Variants in PSD2 observed in about 807,000 individuals in gnomAD.
The protein encoded by PSD2 is pleckstrin and Sec7 domain containing 2, also known as PH and SEC7 domain-containing protein 2.
PSD2 carries 38 observed loss-of-function variants against 69.8 expected under a neutral mutation model. The observed-to-expected ratio is 0.54, with a 90% confidence interval of 0.42 to 0.71. The LOEUF (loss-of-function observed/expected upper bound fraction) is 0.71. Ranked by LOEUF, PSD2 falls within the 30% of genes least tolerant of loss-of-function variation. The pLI is 0.00. For synonymous variants in PSD2, 412 were observed against 423.0 expected, an observed-to-expected ratio of 0.97 and a Z score of 0.32; for missense variants, 943 against 1,014.5, an observed-to-expected ratio of 0.93 and a Z score of 0.96.
the PSD2 span, among the ~76,000 whole-genome samples, chr5:139,753,742 G>A: frequency 4.5e-4 from 68 of 152,258 alleles, no homozygotes; most frequent in Middle Eastern, 3.4e-3. Context: ...CTCTCAGGAC[G>A]CCTGCTGCAT....
At chr5:139,829,893 T>A (rs1176495704) in intron 7 of PSD2, among the ~76,000 whole-genome samples, 1 of 152,110 alleles carries the variant, frequency 6.6e-6, no homozygotes, top group African/African-American at 2.4e-5. Context: ...ACATTTAACT[T>A]TTTGAGGAAG....
At chr5:139,773,829 T>G in the PSD2 span, among the ~76,000 whole-genome samples, 1 of 152,200 alleles carries the variant, frequency 6.6e-6, no homozygotes, top group Non-Finnish European at 1.5e-5. Flanking sequence ...TTTGGGAATA[T>G]ATCCAGATGG....
the PSD2 span, among the ~76,000 whole-genome samples, chr5:139,787,161 A>G: frequency 1.3e-5 from 2 of 152,156 alleles, no homozygotes; most frequent in African/African-American, 4.8e-5. Flanking sequence ...AGGTGGCATG[A>G]AAACAGATTG....
chr5:139,746,827 G>C, the PSD2 span, among the ~76,000 whole-genome samples: 2 of 152,148 alleles, frequency 1.3e-5, no homozygotes, highest in Non-Finnish European at 2.9e-5. The surrounding 1 kb of genome is among the most constrained non-coding windows in gnomAD (Gnocchi z 4.5). Flanking sequence ...AGCGATGGAG[G>C]GCGCACCCAG....
At chr5:139,792,859 TTTCCTTCCTTCCTTCCTTCCTTCC>T (rs141834556), upstream of PSD2, among the ~76,000 whole-genome samples, 41 of 107,892 alleles carry the variant, frequency 3.8e-4, no homozygotes, top group African/African-American at 1.1e-3. Flanking sequence ...TCTTTCTGTC[TTTCCTTCCTTCCTTCCTTCCTTCC>T]TTCCTTCCTT....
intron 1 of PSD2, among the ~76,000 whole-genome samples, chr5:139,808,253 C>T (rs1299340929): frequency 6.6e-6 from 1 of 152,144 alleles, no homozygotes; most frequent in Non-Finnish European, 1.5e-5. Flanking sequence ...TTAGCCTAGC[C>T]TAGGTGGGGC....
chr5:139,778,785 T>G, the PSD2 span, among the ~76,000 whole-genome samples: 1 of 151,012 alleles, frequency 6.6e-6, no homozygotes, highest in Non-Finnish European at 1.5e-5. Flanking sequence ...AAAAATTAGC[T>G]GGGTGTGGTG....
At chr5:139,822,808 G>A (rs781587341) in intron 7 of PSD2, 24 bp downstream of exon 7, 1 of 1,596,544 alleles carries the variant, frequency 6.3e-7, no homozygotes, top group Non-Finnish European at 8.5e-7. Flanking sequence ...GTGACGGGGG[G>A]TGTCGCATGT....
At chr5:139,767,169 T>C in the PSD2 span, among the ~76,000 whole-genome samples, 12 of 151,460 alleles carry the variant, frequency 7.9e-5, no homozygotes, top group African/African-American at 2.4e-4. Context: ...ATTTTTTTTG[T>C]ATTTTTAGTA....
intron 5 of PSD2, among the ~76,000 whole-genome samples, chr5:139,821,533 G>T (rs968317257): frequency 1.3e-5 from 2 of 152,202 alleles, no homozygotes; most frequent in Non-Finnish European, 2.9e-5. Context: ...GGGCAGGCAG[G>T]GACAGGGTCC....
the PSD2 span, among the ~76,000 whole-genome samples, chr5:139,747,470 T>A: frequency 6.6e-6 from 1 of 152,146 alleles, no homozygotes; most frequent in African/African-American, 2.4e-5. The surrounding 1 kb of genome is among the most constrained non-coding windows in gnomAD (Gnocchi z 6.7). Context: ...GGCTGGGGGC[T>A]GTCCCTCCCT....
At chr5:139,755,420 G>C in the PSD2 span, among the ~76,000 whole-genome samples, 9 of 152,112 alleles carry the variant, frequency 5.9e-5, no homozygotes. Flanking sequence ...GGGTATCTTT[G>C]GGACATGTTA....
At chr5:139,762,313 G>A in the PSD2 span, among the ~76,000 whole-genome samples, 2 of 151,308 alleles carry the variant, frequency 1.3e-5, no homozygotes, top group Non-Finnish European at 2.9e-5. Context: ...GAAGTGTTGG[G>A]ATTACAGGCA....
At chr5:139,742,480 C>T in the PSD2 span, 1 of 152,524 alleles carries the variant, frequency 6.6e-6, no homozygotes, top group African/African-American at 2.4e-5. Flanking sequence ...CAGCCCTTCC[C>T]CTCTCCCTGT....
the PSD2 span, among the ~76,000 whole-genome samples, chr5:139,779,862 T>A: frequency 6.6e-6 from 1 of 152,214 alleles, no homozygotes; most frequent in African/African-American, 2.4e-5. Context: ...AGTAGTTTGT[T>A]CCTTTTTATT....
At chr5:139,823,532 T>G (rs1268277039) in intron 7 of PSD2, among the ~76,000 whole-genome samples, 2 of 151,666 alleles carry the variant, frequency 1.3e-5, no homozygotes, top group African/African-American at 2.4e-5. Flanking sequence ...CATATGGGGG[T>G]GAAAGAAAGA....
chr5:139,836,899 G>A lies in PSD2; in HGVS notation c.1492G>A (p.Gly498Ser). 1 of 1,614,176 alleles carries A rather than the reference G, an allele frequency of 6.2e-7. No homozygotes were observed. The highest frequency in any genetic ancestry group is 2.2e-5 in the East Asian group (1 of 44,870). ...GAAGAAGGTGACGCGAATCCTGGAT[G>A]GTGGCAACCCCTTCCTGGATGTCCC... Reference protein sequence around the residue: ...GTKKVTRILDGGNPFLDVPQA... With the variant: ...GTKKVTRILDSGNPFLDVPQA... Residue 498 changes from glycine to serine, a missense_variant, in exon 10 of 15, where the codon GGT becomes AGT. Physicochemically the swap from Gly to Ser is moderately conservative, Grantham distance 56. Around this residue, in one of 3 missense-constraint regions of PSD2, gnomAD observed 312 missense variants for 400.7 expected, o/e 0.78. Transcript: ENST00000274710.
At chr5:139,803,105 G>A (rs1030919567) in intron 1 of PSD2, among the ~76,000 whole-genome samples, 1 of 152,266 alleles carries the variant, frequency 6.6e-6, no homozygotes, top group African/African-American at 2.4e-5. Context: ...CTACACTTGT[G>A]TGCCCTGAGA....
chr5:139,814,126 C>A lies in PSD2; in HGVS notation c.822-44C>A. 6.3e-7 allele frequency: 1 copy of A among 1,595,526 alleles called. No individual in the cohort carries two copies. Among genetic ancestry groups the A allele is most frequent in the South Asian group, 1.1e-5 (1 of 89,064 alleles). Reference sequence around the variant, plus strand: ...CCCAGCCTCCTCTGGGGCCTTTGACCCTGGGCCTCTGACGCTACTCTTCCA... The same window carrying A: ...CCCAGCCTCCTCTGGGGCCTTTGACACTGGGCCTCTGACGCTACTCTTCCA... On this transcript the variant is annotated intron_variant, in intron 3 of 14. Transcript: ENST00000274710. This position sits in a 1 kb window ranked among gnomAD's most constrained non-coding sequence, Gnocchi z 4.4.
Sources: allele counts gnomAD v4.1 joint callset (sites outside exome capture counted in the v4.1 genomes callset), GRCh38; gene constraint gnomAD v4.1.1; regional missense constraint gnomAD v4.1.1; non-coding constraint Gnocchi (gnomAD v3.1); transcripts MANE v1.5; gene names NCBI Gene and HGNC (gene_info 2026-07-23, HGNC 2026-07-21).